DOCK4: variants seen among roughly 807,000 people sequenced by gnomAD.
DOCK4 encodes dedicator of cytokinesis protein 4.
DOCK4 carries 97 observed loss-of-function variants against 268.1 expected under a neutral mutation model. That is an observed-to-expected ratio of 0.36 (90% CI 0.31 to 0.43). The LOEUF (loss-of-function observed/expected upper bound fraction) is 0.43. DOCK4 is among the 20% of genes least tolerant of loss of function. DOCK4 has a pLI of 1.00. For missense variants in DOCK4, 2,145 were observed against 2,455.7 expected (o/e 0.87, Z 2.67); for synonymous variants, 954 against 887.2 (o/e 1.08, Z -1.34).
chr7:112,144,254 T>C (rs1436402490), intron 1 of DOCK4, among the ~76,000 whole-genome samples: 1 of 152,202 alleles, frequency 6.6e-6, no homozygotes, highest in East Asian at 1.9e-4. Flanking sequence ...TTTTCTTTTT[T>C]TGGCACCTCT....
chr7:112,144,540 C>T (rs2560641), intron 1 of DOCK4, among the ~76,000 whole-genome samples: 45,035 of 152,092 alleles, frequency 0.3, 8,372 homozygotes, highest in Non-Finnish European at 0.41. Flanking sequence ...CACTAGGCAT[C>T]CAGCTCACAG....
In DOCK4 at chr7:111,728,087, TAAC is replaced by T. The variant is rs141005790; in HGVS notation, c.*184_*186del. On this transcript the variant is annotated 3_prime_UTR_variant, in exon 53 of 53. Transcript: ENST00000428084. ...TAATGAAATTCAGCCATACTTCATT[TAAC>T]ATCTGGCGTTTTAGATCAGCAACTT... 0.013 allele frequency: 5,582 copies of T among 440,048 alleles called. 53 individuals carry two copies. The highest frequency in any genetic ancestry group is 0.034 in the Middle Eastern group (57 of 1,680). The allele number at this position is 440,048 out of a possible 1,614,324, so 27.3% of individuals were successfully genotyped here. A position where few individuals can be genotyped will look rare whatever the true frequency, so the allele number is the denominator to read the frequency against.
At chr7:112,198,906 CTCA>C (rs1191091376) in intron 1 of DOCK4, among the ~76,000 whole-genome samples, 1 of 152,154 alleles carries the variant, frequency 6.6e-6, no homozygotes, top group East Asian at 1.9e-4. Context: ...CTCCAACGTG[CTCA>C]TAACCAAAAC....
chr7:112,119,185 C>G (rs1812465542), intron 1 of DOCK4, among the ~76,000 whole-genome samples: 1 of 152,098 alleles, frequency 6.6e-6, no homozygotes, highest in Non-Finnish European at 1.5e-5. Flanking sequence ...GTGAAAACAG[C>G]AGGGTGGGAG....
chr7:112,151,855 A>G (rs576111637), intron 1 of DOCK4, among the ~76,000 whole-genome samples: 1 of 151,946 alleles, frequency 6.6e-6, no homozygotes, highest in Admixed American at 6.6e-5. Context: ...AACAAAAAAC[A>G]AAAAACCTGT....
intron 1 of DOCK4, among the ~76,000 whole-genome samples, chr7:112,092,620 T>C (rs953600013): frequency 8.5e-5 from 13 of 152,076 alleles, no homozygotes; most frequent in African/African-American, 3.1e-4. Flanking sequence ...CTAAAAGAAC[T>C]CAAGTGAAAA....
intron 41 of DOCK4, 54 bp downstream of exon 41, chr7:111,758,570 A>C: frequency 6.3e-7 from 1 of 1,589,692 alleles, no homozygotes; most frequent in Non-Finnish European, 8.6e-7. Flanking sequence ...GCTGTGCCCC[A>C]AGGGGCTCGC....
intron 51 of DOCK4, among the ~76,000 whole-genome samples, chr7:111,733,942 G>A (rs1247647636): frequency 6.6e-6 from 1 of 152,116 alleles, no homozygotes; most frequent in African/African-American, 2.4e-5. Flanking sequence ...GTGGCACATA[G>A]TTTATTGTGT....
intron 1 of DOCK4, among the ~76,000 whole-genome samples, chr7:112,182,369 A>T (rs529530951): frequency 2.6e-4 from 39 of 152,318 alleles, no homozygotes; most frequent in African/African-American, 7.5e-4. Context: ...AATATTTTTT[A>T]AAAAAGCAAG....
intron 35 of DOCK4, among the ~76,000 whole-genome samples, chr7:111,778,890 A>T (rs1418706671): frequency 6.6e-6 from 1 of 152,024 alleles, no homozygotes; most frequent in African/African-American, 2.4e-5. Flanking sequence ...CCCCATCTCT[A>T]CTAAAAATAC....
At chr7:111,997,207 A>G (rs569337106) in intron 4 of DOCK4, among the ~76,000 whole-genome samples, 1 of 152,338 alleles carries the variant, frequency 6.6e-6, no homozygotes, top group East Asian at 1.9e-4. Context: ...TGGGTAGGAA[A>G]GTTTCAAAAG....
chr7:111,738,614 G>A (rs1011809499), intron 49 of DOCK4, among the ~76,000 whole-genome samples: 10 of 152,208 alleles, frequency 6.6e-5, no homozygotes, highest in African/African-American at 2.4e-4. Context: ...TAGCATCACT[G>A]CCAAGCAACT....
intron 16 of DOCK4, among the ~76,000 whole-genome samples, chr7:111,881,296 C>T (rs1807366452): frequency 1.3e-5 from 2 of 152,158 alleles, no homozygotes; most frequent in African/African-American, 2.4e-5. Flanking sequence ...AGGAGATACA[C>T]ACATGGCAAA....
At chr7:112,089,214 C>A (rs1305724324) in intron 1 of DOCK4, among the ~76,000 whole-genome samples, 1 of 152,008 alleles carries the variant, frequency 6.6e-6, no homozygotes, top group Admixed American at 6.6e-5. Flanking sequence ...GCCAGGGATG[C>A]TCCAGAAGGT....
intron 8 of DOCK4, among the ~76,000 whole-genome samples, chr7:111,973,157 A>G (rs1271283835): frequency 0.013 from 62 of 4,686 alleles, 1 homozygote; most frequent in East Asian, 0.13. Context: ...ATTCCATGGC[A>G]TATATATATA....
chr7:112,160,119 T>C (rs1055625741), intron 1 of DOCK4, among the ~76,000 whole-genome samples: 1 of 152,120 alleles, frequency 6.6e-6, no homozygotes, highest in Non-Finnish European at 1.5e-5. Context: ...GCATTTCAGA[T>C]AAAGACTACT....
intron 24 of DOCK4, among the ~76,000 whole-genome samples, chr7:111,846,545 C>T (rs1267486573): frequency 6.6e-6 from 1 of 152,164 alleles, no homozygotes; most frequent in Non-Finnish European, 1.5e-5. Context: ...CTGTAAGATA[C>T]CCCTAATCTC....
rs796231667 is a variant in DOCK4 at position 112,018,179 on chromosome 7, A to AAC, written c.38-14050_38-14049dup. Among the ~76,000 whole-genome samples the AAC allele has an allele frequency of 1.8e-4, 13 of 72,630 alleles. 1 individual carries two copies. The highest frequency in any genetic ancestry group is 5.4e-4 in the African/African-American group (10 of 18,512). 47.6% of individuals were successfully genotyped at this position (72,630 alleles called of 152,430 possible). A position where few individuals can be genotyped will look rare whatever the true frequency, so the allele number is the denominator to read the frequency against. On this transcript the variant is annotated intron_variant, in intron 1 of 52. Transcript: ENST00000428084. ...AAAAAAAAAAAAAAAAAAAAAAAAA[A>AAC]ACACAGGCAACCAGTATTCATGTGG...
intron 11 of DOCK4, 43 bp from the exon 12 acceptor site, chr7:111,935,671 C>A (rs1794685265): frequency 2.0e-6 from 3 of 1,513,362 alleles, no homozygotes; most frequent in Non-Finnish European, 1.8e-6. Flanking sequence ...ATGATGCATG[C>A]AGTCAAGCAG....
Sources: gnomAD v4.1 joint callset for allele counts (sites outside exome capture counted in the v4.1 genomes callset) on GRCh38, gnomAD v4.1.1 for gene constraint, MANE v1.5 for transcripts, NCBI Gene and HGNC (gene_info 2026-07-23, HGNC 2026-07-21) for gene names.